Variants in RGS6 observed in about 807,000 individuals in gnomAD.
RGS6 encodes the protein regulator of G-protein signaling 6.
Under a neutral mutation model 78.5 loss-of-function variants are expected in RGS6, and 30 were observed. That is an observed-to-expected ratio of 0.38 (90% confidence interval 0.29 to 0.52). The LOEUF is 0.52. Ranked by LOEUF, RGS6 falls within the 20% of genes least tolerant of loss-of-function variation. The probability of loss-of-function intolerance (pLI) is 0.85; values close to 1 mark genes in which losing one functional copy is unlikely to be tolerated. For missense variants in RGS6, 495 were observed against 609.7 expected, an observed-to-expected ratio of 0.81 and a Z score of 1.98; for synonymous variants, 206 against 206.0, an observed-to-expected ratio of 1.00 and a Z score of 0.00.
chr14:72,041,317 G>A (rs541377515), intron 2 of RGS6, among the ~76,000 whole-genome samples: 1 of 152,308 alleles, frequency 6.6e-6, no homozygotes, highest in African/African-American at 2.4e-5. Context: ...GGGCTTGCAT[G>A]TAATTTCCCA....
At position 72,397,532 on chromosome 14, in the gene RGS6, A is replaced by G. The variant is rs375376364; in HGVS notation, c.184+45338A>G. Among the ~76,000 whole-genome samples the G allele has an allele frequency of 7.5e-3, 1,139 of 151,910 alleles. 35 individuals are homozygous for G. The highest frequency in any genetic ancestry group is 0.049 in the East Asian group (252 of 5,162). On this transcript the variant is annotated intron_variant, in intron 3 of 17. Transcript: ENST00000553525. ...TGACTTCCTCTTTTCCTAATTGAAT[A>G]CCCTTTATTTCCTTCTCCTGCCTGA...
chr14:72,258,587 G>A lies in RGS6; in HGVS notation c.85-93508G>A, dbSNP rs149109016. Among the ~76,000 whole-genome samples the A allele has an allele frequency of 2.3e-3, 351 of 152,272 alleles. 1 individual carries two copies. The highest frequency in any genetic ancestry group is 8.2e-3 in the African/African-American group (342 of 41,548). ...GACTGTATTGTTTGTTTTTAAAGTC[G>A]ATGGAGCACTTGACTTGGAGCCAGA... On this transcript the variant is annotated intron_variant, in intron 2 of 17. Transcript: ENST00000553525.
chr14:72,112,573 A>G (rs1233877708), intron 2 of RGS6, among the ~76,000 whole-genome samples: 3 of 152,220 alleles, frequency 2.0e-5, no homozygotes, highest in Non-Finnish European at 2.9e-5. Flanking sequence ...GTCCAACGAT[A>G]ATTACAATAA....
At position 72,442,418 on chromosome 14, in the gene RGS6, A is replaced by G. The variant is rs1230228133; in HGVS notation, c.185-12110A>G. 2.0e-5 allele frequency among the ~76,000 whole-genome samples: 3 copies of G among 152,000 alleles called. No homozygotes were observed. The South Asian group carries it at 6.2e-4, about 32-fold the overall frequency. ...ATTGATCCCAAGTGTGTCCTCTGTG[A>G]GCCTTTTCTTGACACTGGGTCACCC... On this transcript the variant is annotated intron_variant, in intron 3 of 17. Transcript: ENST00000553525.
chr14:72,056,923 A>G (rs2093645854), intron 2 of RGS6, among the ~76,000 whole-genome samples: 1 of 152,194 alleles, frequency 6.6e-6, no homozygotes. Context: ...TACTCTCATT[A>G]ATTACATATC....
intron 2 of RGS6, among the ~76,000 whole-genome samples, chr14:72,124,586 T>G (rs1037841960): frequency 2.0e-5 from 3 of 152,320 alleles, no homozygotes; most frequent in African/African-American, 7.2e-5. Context: ...TACCCTAGAT[T>G]TTAAGCCATT....
At chr14:72,341,617 G>A (rs182887124) in intron 2 of RGS6, among the ~76,000 whole-genome samples, 2 of 152,308 alleles carry the variant, frequency 1.3e-5, no homozygotes, top group Admixed American at 1.3e-4. Context: ...GTGTCCAGAA[G>A]CAAAACAGGC....
chr14:72,499,494 A>G (rs1035865623), intron 13 of RGS6, among the ~76,000 whole-genome samples: 1 of 151,960 alleles, frequency 6.6e-6, no homozygotes, highest in African/African-American at 2.4e-5. Context: ...ACACTCAGCT[A>G]TTTTCTTCTC....
At chr14:71,967,401 A>T (rs1231131938) in intron 2 of RGS6, among the ~76,000 whole-genome samples, 1 of 152,106 alleles carries the variant, frequency 6.6e-6, no homozygotes, top group Non-Finnish European at 1.5e-5. Flanking sequence ...TCTACTCCTG[A>T]TGCTGTAGGC....
At chr14:72,578,133 C>T in the RGS6 span, among the ~76,000 whole-genome samples, 1 of 152,192 alleles carries the variant, frequency 6.6e-6, no homozygotes, top group South Asian at 2.1e-4. Context: ...CTGCTCTGAC[C>T]ATTAGAACTT....
chr14:72,053,488 A>G (rs907291749), intron 2 of RGS6, among the ~76,000 whole-genome samples: 2 of 151,994 alleles, frequency 1.3e-5, no homozygotes, highest in Non-Finnish European at 1.5e-5. Context: ...GCTTGTTGGG[A>G]ATGCAGTATC....
the RGS6 span, among the ~76,000 whole-genome samples, chr14:71,892,248 T>G: frequency 1.3e-5 from 2 of 152,140 alleles, no homozygotes; most frequent in Non-Finnish European, 2.9e-5. Context: ...TACTGGGAGG[T>G]GGCTCACCGC....
chr14:72,003,949 G>A (rs1218112619), intron 2 of RGS6, among the ~76,000 whole-genome samples: 1 of 152,180 alleles, frequency 6.6e-6, no homozygotes, highest in Non-Finnish European at 1.5e-5. Context: ...TGAGAGCTAA[G>A]AGCCAGCAGC....
In RGS6 at chr14:71,990,500, G is replaced by A. The variant is rs1413530308; in HGVS notation, c.84+25625G>A. 8 of 417,908 alleles carry A rather than the reference G, an allele frequency of 1.9e-5. No individual in the cohort carries two copies. The East Asian group carries it at 3.5e-4, about 18-fold the overall frequency. 25.9% of individuals were successfully genotyped at this position (417,908 alleles called of 1,614,324 possible). A position where few individuals can be genotyped will look rare whatever the true frequency, so the allele number is the denominator to read the frequency against. ...TTATTAACCAGGACAGCTGCTCACA[G>A]CTGCACAGGGATGTACTGAAACAGC... On this transcript the variant is annotated intron_variant, in intron 2 of 17. Transcript: ENST00000553525.
At chr14:71,983,339 C>A (rs541805109) in intron 2 of RGS6, among the ~76,000 whole-genome samples, 6 of 152,296 alleles carry the variant, frequency 3.9e-5, no homozygotes, top group African/African-American at 2.4e-5. Context: ...ACTCCAGAGA[C>A]CTTTTTGGTT....
chr14:72,560,075 T>G (rs956397327), intron 17 of RGS6, among the ~76,000 whole-genome samples: 1 of 152,008 alleles, frequency 6.6e-6, no homozygotes, highest in African/African-American at 2.4e-5. Flanking sequence ...ATGTACTCAT[T>G]GGCAACAGAC....
chr14:72,263,571 A>G (rs1366359020), intron 2 of RGS6, among the ~76,000 whole-genome samples: 1 of 152,202 alleles, frequency 6.6e-6, no homozygotes, highest in Non-Finnish European at 1.5e-5. Context: ...CTAGTATTAG[A>G]AAGTAGGTCT....
At chr14:72,124,913 C>T (rs929502912) in intron 2 of RGS6, among the ~76,000 whole-genome samples, 2 of 152,180 alleles carry the variant, frequency 1.3e-5, no homozygotes, top group African/African-American at 4.8e-5. Context: ...AGATAAACAA[C>T]ATAAGAGAAG....
intron 2 of RGS6, among the ~76,000 whole-genome samples, chr14:72,210,164 C>T (rs2153752142): frequency 6.6e-6 from 1 of 150,902 alleles, no homozygotes; most frequent in Non-Finnish European, 1.5e-5. Context: ...TGTTCAAAAA[C>T]TTGGTTGGCC....
Sources: allele counts gnomAD v4.1 joint callset (sites outside exome capture counted in the v4.1 genomes callset), GRCh38; gene constraint gnomAD v4.1.1; transcripts MANE v1.5; gene names NCBI Gene and HGNC (gene_info 2026-07-23, HGNC 2026-07-21).